The following CBLB variants were observed in gnomAD, a reference collection of about 807,000 sequenced individuals.
CBLB encodes the protein E3 ubiquitin-protein ligase CBL-B.
A neutral mutation model predicts 104.9 loss-of-function variants in CBLB; 31 were observed. The ratio of observed to expected loss-of-function variants is 0.30; its 90% CI spans 0.22 to 0.40. The LOEUF (loss-of-function observed/expected upper bound fraction) is 0.40, where lower values mean the gene tolerates loss of function less well. Among genes scored for constraint, CBLB ranks in the 10% least tolerant of loss-of-function variants. The pLI is 1.00. For synonymous variants in CBLB, 440 were observed against 422.6 expected (o/e 1.04, Z -0.51); for missense variants, 1,062 against 1,214.6 (o/e 0.87, Z 1.87).
chr3:105,685,547 A>G, intron 13 of CBLB, 81 bp from the exon 14 acceptor site: 1 of 1,109,970 alleles, frequency 9.0e-7, no homozygotes, highest in Non-Finnish European at 1.3e-6. Flanking sequence ...TTCAAGTCAA[A>G]GAAGCTACTT....
intron 13 of CBLB, among the ~76,000 whole-genome samples, chr3:105,689,128 T>C (rs2152746378): frequency 6.6e-6 from 1 of 152,152 alleles, no homozygotes; most frequent in South Asian, 2.1e-4. Context: ...TAGCTGACAA[T>C]ATACAATATA....
chr3:105,681,952 C>A, intron 14 of CBLB, 134 bp from the exon 15 acceptor site: 1 of 643,050 alleles, frequency 1.6e-6, no homozygotes, highest in East Asian at 2.7e-5. Context: ...CTCAAAATTA[C>A]CAGTAATAAC....
At chr3:105,735,367 T>C (rs546963556) in intron 8 of CBLB, among the ~76,000 whole-genome samples, 1 of 152,310 alleles carries the variant, frequency 6.6e-6, no homozygotes, top group African/African-American at 2.4e-5. Context: ...AAATTGCTGA[T>C]GTCCCTGAAA....
At position 105,767,743 on chromosome 3, in the gene CBLB, G is replaced by A. The variant is rs72995654; in HGVS notation, c.566+8653C>T. On this transcript the variant is annotated intron_variant, in intron 4 of 18. Transcript: ENST00000394030. The stretch of plus-strand genomic sequence containing the variant: ...CAGTTTTATGTGCCTTACAGGTAAG[G>A]TTTAGCTATTTTAAGCCGTCATAAC... Among the ~76,000 whole-genome samples the A allele has an allele frequency of 5.4e-3, 826 of 152,082 alleles. 9 individuals are homozygous for A. Among genetic ancestry groups the A allele is most frequent in the African/African-American group, 0.019 (786 of 41,498 alleles).
chr3:105,661,094 C>T (rs375179106), intron 18 of CBLB, among the ~76,000 whole-genome samples: 2 of 151,956 alleles, frequency 1.3e-5, no homozygotes, highest in African/African-American at 4.8e-5. Context: ...TGAGCCACCA[C>T]GTCCGGCCAT....
At chr3:105,855,152 G>T (rs2091444043) in intron 2 of CBLB, among the ~76,000 whole-genome samples, 1 of 152,122 alleles carries the variant, frequency 6.6e-6, no homozygotes, top group Non-Finnish European at 1.5e-5. Flanking sequence ...GGCAAAGAAA[G>T]AATATACTAT....
chr3:105,681,410 G>A, intron 16 of CBLB, 69 bp downstream of exon 16: 3 of 1,540,560 alleles, frequency 1.9e-6, no homozygotes, highest in Non-Finnish European at 2.7e-6. Flanking sequence ...ACTGAACTCT[G>A]AATTCTGAAA....
Position 105,658,063 on chromosome 3 carries a change from G to A in CBLB, c.*907C>T, listed in dbSNP as rs958370194. ...GTCCTCTCATTCAGCATCCCTCAAA[G>A]TAATGCAGGCATAAGTATCAGGGGA... is the stretch of plus-strand genomic sequence containing the variant. On this transcript the variant is annotated 3_prime_UTR_variant, in exon 19 of 19. Transcript: ENST00000394030. 4.7e-6 allele frequency: 1 copy of A among 215,036 alleles called. No homozygotes were observed. The highest frequency in any genetic ancestry group is 5.8e-5 in the Admixed American group (1 of 17,150). The allele number at this position is 215,036 out of a possible 1,614,324, so 13.3% of individuals were successfully genotyped here.
intron 18 of CBLB, among the ~76,000 whole-genome samples, chr3:105,659,920 T>G (rs1335937476): frequency 6.6e-6 from 1 of 152,060 alleles, no homozygotes; most frequent in South Asian, 2.1e-4. Context: ...CAGATTGCAA[T>G]GTAGGAAGTT....
chr3:105,853,277 G>A (rs957820570), intron 3 of CBLB, 137 bp downstream of exon 3: 11 of 840,930 alleles, frequency 1.3e-5, no homozygotes, highest in East Asian at 4.9e-5. Context: ...TATCCCCATC[G>A]TTAAGTACCA....
chr3:105,794,303 C>A (rs563949053), intron 3 of CBLB, among the ~76,000 whole-genome samples: 6 of 152,270 alleles, frequency 3.9e-5, no homozygotes, highest in Non-Finnish European at 5.9e-5. Flanking sequence ...TACTAAAAGT[C>A]AGGCTTGCTA....
In CBLB at chr3:105,659,093, C is replaced by G. The variant is rs758080106; in HGVS notation, c.2826G>C (p.Glu942Asp). The G allele has an allele frequency of 1.2e-6, 2 of 1,614,040 alleles. No homozygotes were observed. The highest frequency in any genetic ancestry group is 1.3e-5 in the African/African-American group (1 of 75,026). Residue 942 changes from glutamate (E) to aspartate (D), a missense_variant, in exon 19 of 19, where the codon GAG becomes GAC. Around this residue, in one of 2 missense-constraint regions of CBLB, gnomAD observed 605 missense variants for 582.6 expected, o/e 1.04. Transcript: ENST00000394030. ...VDAKIAKLMG[E>D]GYAFEEVKRA... is the part of the protein sequence containing the mutation. ...TCTTCACCTCTTCAAAGGCATAACC[C>G]TCTCCCATGAGTTTTGCAATTTTTG...
intron 3 of CBLB, among the ~76,000 whole-genome samples, chr3:105,803,344 T>C (rs569585348): frequency 3.0e-4 from 46 of 152,336 alleles, no homozygotes; most frequent in African/African-American, 1.1e-3. Context: ...GATTTATCTT[T>C]GTATGGCGGC....
chr3:105,736,898 C>G (rs1201479326), intron 8 of CBLB, among the ~76,000 whole-genome samples: 1 of 152,030 alleles, frequency 6.6e-6, no homozygotes, highest in Non-Finnish European at 1.5e-5. Context: ...AACTATGGCT[C>G]TCTCCTTACA....
At chr3:105,771,914 C>T (rs548561421) in intron 4 of CBLB, among the ~76,000 whole-genome samples, 54 of 152,178 alleles carry the variant, frequency 3.5e-4, no homozygotes, top group Admixed American at 1.3e-3. Flanking sequence ...AACACATCAC[C>T]TGCTCATGGA....
At chr3:105,717,414 G>A (rs139251355) in intron 10 of CBLB, among the ~76,000 whole-genome samples, 3 of 152,238 alleles carry the variant, frequency 2.0e-5, no homozygotes, top group Admixed American at 1.3e-4. Context: ...ACCTGGGGCT[G>A]CAAACTTTTT....
chr3:105,816,122 C>G (rs2085019070), intron 3 of CBLB, among the ~76,000 whole-genome samples: 1 of 151,888 alleles, frequency 6.6e-6, no homozygotes, highest in Non-Finnish European at 1.5e-5. Context: ...TTGATGGGTG[C>G]AGTTAACCAT....
At chr3:105,777,523 G>A (rs2079625915) in intron 3 of CBLB, among the ~76,000 whole-genome samples, 1 of 152,176 alleles carries the variant, frequency 6.6e-6, no homozygotes, top group African/African-American at 2.4e-5. Flanking sequence ...AGTTATTAGG[G>A]AGGCTGATGT....
rs574158249 is a variant in CBLB, at chr3:105,719,539, G to A, written c.1407+508C>T. On this transcript the variant is annotated intron_variant, in intron 10 of 18. Transcript: ENST00000394030. ...TGGGTGACATCATAGCCACCTTAAC[G>A]TCATAGCACAAAGCATTACTCACGT... Among the ~76,000 whole-genome samples the A allele has an allele frequency of 2.8e-4, 43 of 152,238 alleles. 2 individuals carry two copies. In the South Asian group the frequency reaches 8.7e-3, roughly 31 times the overall value.
Sources: allele counts gnomAD v4.1 joint callset (sites outside exome capture counted in the v4.1 genomes callset), GRCh38; gene constraint gnomAD v4.1.1; regional missense constraint gnomAD v4.1.1; transcripts MANE v1.5; gene names NCBI Gene and HGNC (gene_info 2026-07-23, HGNC 2026-07-21).